Variants in TMEM63C observed in about 807,000 individuals in gnomAD.
TMEM63C encodes transmembrane protein 63C, also known as osmosensitive cation channel TMEM63C.
TMEM63C carries 32 observed loss-of-function variants against 99.2 expected under a neutral mutation model. That is an observed-to-expected ratio of 0.32 (90% confidence interval 0.24 to 0.43). TMEM63C has a LOEUF of 0.43. Among genes scored for constraint, TMEM63C ranks in the 20% least tolerant of loss-of-function variants. The pLI is 1.00. For missense variants in TMEM63C, 826 were observed against 1,053.0 expected, an observed-to-expected ratio of 0.78 and a Z score of 2.98; for synonymous variants, 376 against 397.9, an observed-to-expected ratio of 0.94 and a Z score of 0.66.
At chr14:77,228,941 G>A (rs1036061167) in intron 6 of TMEM63C, among the ~76,000 whole-genome samples, 1 of 152,228 alleles carries the variant, frequency 6.6e-6, no homozygotes, top group Non-Finnish European at 1.5e-5. Flanking sequence ...CACCAGTGGA[G>A]TGGGGAGGCC....
intron 1 of TMEM63C, among the ~76,000 whole-genome samples, chr14:77,195,162 C>T (rs999288870): frequency 6.6e-6 from 1 of 152,144 alleles, no homozygotes; most frequent in Non-Finnish European, 1.5e-5. Flanking sequence ...AAATGCCTCA[C>T]CCTGAACTTT....
intron 6 of TMEM63C, among the ~76,000 whole-genome samples, chr14:77,230,715 A>G (rs1188879531): frequency 6.6e-6 from 1 of 151,202 alleles, no homozygotes; most frequent in Non-Finnish European, 1.5e-5. Context: ...TCATCCCAAA[A>G]TTATCTGCCC....
At chr14:77,198,186 T>A (rs1248243609) in intron 1 of TMEM63C, among the ~76,000 whole-genome samples, 1 of 152,242 alleles carries the variant, frequency 6.6e-6, no homozygotes, top group Non-Finnish European at 1.5e-5. Flanking sequence ...ATGGTCCTCA[T>A]TCATCATGGG....
chr14:77,219,797 G>A (rs1035321972), intron 4 of TMEM63C, among the ~76,000 whole-genome samples: 1 of 152,214 alleles, frequency 6.6e-6, no homozygotes, highest in Non-Finnish European at 1.5e-5. Flanking sequence ...TCTGGATCAC[G>A]TGGCTGAACT....
At chr14:77,184,623 C>T (rs1042728868) in intron 1 of TMEM63C, among the ~76,000 whole-genome samples, 1 of 152,190 alleles carries the variant, frequency 6.6e-6, no homozygotes, top group Non-Finnish European at 1.5e-5. Flanking sequence ...AGGAAGTGCT[C>T]AGCTTCCAGT....
At chr14:77,222,563 T>A (rs907549985) in intron 5 of TMEM63C, among the ~76,000 whole-genome samples, 3 of 152,216 alleles carry the variant, frequency 2.0e-5, no homozygotes, top group Non-Finnish European at 2.9e-5. Flanking sequence ...TTGCAGATGC[T>A]GTGCCGTGGC....
chr14:77,223,821 G>A (rs1888769662), intron 5 of TMEM63C, among the ~76,000 whole-genome samples: 2 of 152,096 alleles, frequency 1.3e-5, no homozygotes, highest in Admixed American at 6.5e-5. Context: ...CACATTCCCA[G>A]GAAGATGTGT....
chr14:77,253,875 G>T (rs965739704), intron 23 of TMEM63C, among the ~76,000 whole-genome samples: 1 of 137,812 alleles, frequency 7.3e-6, no homozygotes, highest in African/African-American at 2.9e-5. Flanking sequence ...GGGCCTGCAG[G>T]CTGGGTGCTG....
intron 2 of TMEM63C, among the ~76,000 whole-genome samples, chr14:77,218,118 G>A (rs1258839235): frequency 6.6e-6 from 1 of 151,896 alleles, no homozygotes; most frequent in South Asian, 2.1e-4. Context: ...ATAAATGCTC[G>A]AAAGGATGGA....
At chr14:77,253,465 C>A in intron 23 of TMEM63C, 89 bp downstream of exon 23, 1 of 1,294,854 alleles carries the variant, frequency 7.7e-7, no homozygotes, top group Non-Finnish European at 1.1e-6. Flanking sequence ...GCCAGCTTTG[C>A]TGCCCACTCT....
chr14:77,213,252 A>T (rs1219788009), intron 1 of TMEM63C, among the ~76,000 whole-genome samples, 194 bp from the exon 2 acceptor site: 1 of 152,162 alleles, frequency 6.6e-6, no homozygotes, highest in Non-Finnish European at 1.5e-5. Flanking sequence ...TTTACACTTC[A>T]AAAGACACCA....
intron 1 of TMEM63C, among the ~76,000 whole-genome samples, chr14:77,204,275 G>T (rs1888358523): frequency 6.6e-6 from 1 of 152,050 alleles, no homozygotes; most frequent in Non-Finnish European, 1.5e-5. Flanking sequence ...AACAGAAACA[G>T]ATGCCTCAGT....
Position 77,242,440 on chromosome 14 carries a change from T to C in TMEM63C, c.1158T>C (p.Thr386=), listed in dbSNP as rs753070282. 9 of 1,613,790 alleles carry C rather than the reference T, an allele frequency of 5.6e-6. No homozygotes were observed. Among genetic ancestry groups the C allele is most frequent in the Admixed American group, 1.7e-5 (1 of 59,996 alleles). ...TCAAATCATATTACTGGAGGGTCAC[T>C]ATGGCCCCACACCCCAAAGACATTA... ...TIVKSYYWRV[T]MAPHPKDIIW... The change falls in exon 14 of 24, where the codon ACT becomes ACC. Residue 386 remains threonine, a synonymous_variant. Coordinates refer to ENST00000298351, the MANE Select transcript of TMEM63C (RefSeq NM_020431.4).
rs190216804 is a variant in TMEM63C at position 77,245,251 on chromosome 14, C to T, written c.1449-689C>T. On this transcript the variant is annotated intron_variant, in intron 16 of 23. Transcript: ENST00000298351. ...TATGGCACATCTGTGCCTTCCCATC[C>T]CTTCCCATGCCCAGCACAGACATCA... 4.6e-5 allele frequency among the ~76,000 whole-genome samples: 7 copies of T among 152,322 alleles called. No individual in the cohort carries two copies. The South Asian group carries it at 1.0e-3, about 23-fold the overall frequency.
chr14:77,242,775 C>T, intron 14 of TMEM63C, 128 bp from the exon 15 acceptor site: 1 of 1,114,850 alleles, frequency 9.0e-7, no homozygotes, highest in Non-Finnish European at 1.3e-6. Context: ...CTGTTGCATG[C>T]AAGTCTGGGC....
At position 77,206,542 on chromosome 14, in the gene TMEM63C, T is replaced by A. The variant is rs184077864; in HGVS notation, c.-76-6904T>A. ...GCCCTGACAGGGGAGAGAGAGGAGA[T>A]GGCATTGGATTCAGGCTTTGATTCT... is the stretch of plus-strand genomic sequence containing the variant. On this transcript the variant is annotated intron_variant, in intron 1 of 23. Transcript: ENST00000298351. Among the ~76,000 whole-genome samples the A allele has an allele frequency of 3.9e-5, 6 of 152,298 alleles. No individual in the cohort carries two copies. In the East Asian group the frequency reaches 1.2e-3, roughly 29 times the overall value.
chr14:77,215,448 A>G (rs911734954), intron 2 of TMEM63C, among the ~76,000 whole-genome samples: 32 of 151,722 alleles, frequency 2.1e-4, no homozygotes, highest in African/African-American at 7.5e-4. Flanking sequence ...TAAAAATACA[A>G]AATTTAGCCA....
At chr14:77,223,986 C>T (rs1379091791) in intron 5 of TMEM63C, among the ~76,000 whole-genome samples, 1 of 152,092 alleles carries the variant, frequency 6.6e-6, no homozygotes. Flanking sequence ...TGCTAGTTAC[C>T]CCTCCCTGGG....
At chr14:77,233,409 C>A in intron 7 of TMEM63C, 43 bp from the exon 8 acceptor site, 1 of 1,604,714 alleles carries the variant, frequency 6.2e-7, no homozygotes, top group Non-Finnish European at 8.5e-7. Flanking sequence ...CCCCCAGCAA[C>A]TGAGGAGCCA....
Sources: allele counts gnomAD v4.1 joint callset (sites outside exome capture counted in the v4.1 genomes callset), GRCh38; gene constraint gnomAD v4.1.1; transcripts MANE v1.5; gene names NCBI Gene and HGNC (gene_info 2026-07-23, HGNC 2026-07-21).